Variants in SLC3A1 observed in about 807,000 individuals in gnomAD.
SLC3A1 encodes amino acid transporter heavy chain SLC3A1.
In SLC3A1, 78 loss-of-function variants were observed where a neutral mutation model predicts 60.3. The ratio of observed to expected loss-of-function variants is 1.29; its 90% CI spans 1.08 to 1.56. The LOEUF (loss-of-function observed/expected upper bound fraction) is 1.56. Among genes scored for constraint, SLC3A1 ranks in the 40% most tolerant of loss-of-function variants. The pLI, the probability that SLC3A1 is intolerant of heterozygous loss-of-function variation, is 0.00. For synonymous variants in SLC3A1, 392 were observed against 307.9 expected, an observed-to-expected ratio of 1.27 and a Z score of -2.86; for missense variants, 1,172 against 858.9, an observed-to-expected ratio of 1.36 and a Z score of -4.56.
Position 44,275,736 on chromosome 2 carries a change from G to A in SLC3A1, c.201G>A (p.Gly67=), listed in dbSNP as rs771021431. Residue 67 remains glycine, a synonymous_variant, in exon 1 of 10, where the codon GGG becomes GGA. Coordinates refer to ENST00000260649, the MANE Select transcript of SLC3A1 (RefSeq NM_000341.4). Reference sequence around the variant, plus strand: ...TCAAGGGCGTCCAGCCCTATGCGGGGATGCCCAAGGAGGTGCTGTTCCAGT... The same window carrying A: ...TCAAGGGCGTCCAGCCCTATGCGGGAATGCCCAAGGAGGTGCTGTTCCAGT... The part of the protein sequence containing the change: ...PDFKGVQPYA[G]MPKEVLFQFS... 1 of 1,614,218 alleles carries A rather than the reference G, an allele frequency of 6.2e-7. No individual in the cohort carries two copies. The highest frequency in any genetic ancestry group is 2.2e-5 in the East Asian group (1 of 44,886).
At chr2:44,287,043 C>G (rs1234163298) in intron 4 of SLC3A1, among the ~76,000 whole-genome samples, 3 of 152,168 alleles carry the variant, frequency 2.0e-5, no homozygotes, top group Non-Finnish European at 2.9e-5. Context: ...CACGACACTT[C>G]TGTACTCATT....
chr2:44,316,139 G>C (rs1672441711), intron 9 of SLC3A1: 1 of 152,178 alleles, frequency 6.6e-6, no homozygotes, highest in South Asian at 2.1e-4. Flanking sequence ...AAACAAGGAA[G>C]GTCAAAACAC....
intron 4 of SLC3A1, among the ~76,000 whole-genome samples, chr2:44,299,195 T>C (rs962438294): frequency 6.6e-6 from 1 of 152,058 alleles, no homozygotes; most frequent in African/African-American, 2.4e-5. Flanking sequence ...CCCGCCACCA[T>C]GCCTGGCTAC....
intron 4 of SLC3A1, 119 bp from the exon 5 acceptor site, chr2:44,299,852 T>G: frequency 9.7e-7 from 1 of 1,033,670 alleles, no homozygotes; most frequent in South Asian, 1.3e-5. Flanking sequence ...AATACTGTGC[T>G]TGTTCTGTAT....
chr2:44,297,806 C>T (rs72802976), intron 4 of SLC3A1, among the ~76,000 whole-genome samples: 12,030 of 152,126 alleles, frequency 0.079, 564 homozygotes, highest in Non-Finnish European at 0.11. Context: ...GTCATGTTGC[C>T]CGGCTGGTCT....
chr2:44,283,872 TTAAC>T (rs1017811072), intron 3 of SLC3A1, among the ~76,000 whole-genome samples: 10 of 152,114 alleles, frequency 6.6e-5, no homozygotes, highest in Non-Finnish European at 1.0e-4. Flanking sequence ...TATAGTCTTC[TTAAC>T]TAACTTTTTC....
rs112419649 is a variant in SLC3A1 at position 44,277,030 on chromosome 2, C to A, written c.430+1065C>A. 2.2e-3 allele frequency among the ~76,000 whole-genome samples: 325 copies of A among 151,006 alleles called. No individual in the cohort carries two copies. The Middle Eastern group carries it at 0.031, about 14-fold the overall frequency. On this transcript the variant is annotated intron_variant, in intron 1 of 9. Transcript: ENST00000260649. The stretch of plus-strand genomic sequence containing the variant: ...ATCTTTAAAATGCTACAAATGAATT[C>A]TTGAAACCTGCAGCTTTCTTTAATC...
intron 5 of SLC3A1, 51 bp downstream of exon 5, chr2:44,300,141 C>T (rs765205245): frequency 2.5e-6 from 4 of 1,593,190 alleles, no homozygotes; most frequent in South Asian, 2.2e-5. Context: ...AAAATGTCAT[C>T]AGAGTGTTTT....
intron 9 of SLC3A1, among the ~76,000 whole-genome samples, chr2:44,316,988 A>C (rs1312769598): frequency 6.6e-6 from 1 of 152,022 alleles, no homozygotes; most frequent in Non-Finnish European, 1.5e-5. Context: ...TGGAACAAAA[A>C]TCTTAGTGAT....
At chr2:44,275,990 G>A (rs1429219272) in intron 1 of SLC3A1, 25 bp downstream of exon 1, 10 of 1,605,906 alleles carry the variant, frequency 6.2e-6, no homozygotes, top group African/African-American at 4.0e-5. Flanking sequence ...ATCATTTAGG[G>A]TGGGTGCCAG....
intron 9 of SLC3A1, chr2:44,317,850 T>C (rs1005954996): frequency 1.1e-5 from 2 of 179,304 alleles, no homozygotes; most frequent in Non-Finnish European, 2.4e-5. Flanking sequence ...ATTACAAATA[T>C]GAATGGGTTA....
At chr2:44,319,654 C>T (rs188367772) in intron 9 of SLC3A1, 6 of 152,984 alleles carry the variant, frequency 3.9e-5, no homozygotes, top group East Asian at 1.9e-4. Context: ...CTAACTTTCA[C>T]CTTAGGCAGC....
At chr2:44,309,647 T>C (rs979697935) in intron 7 of SLC3A1, among the ~76,000 whole-genome samples, 1 of 152,240 alleles carries the variant, frequency 6.6e-6, no homozygotes, top group African/African-American at 2.4e-5. Flanking sequence ...TCACCCAGGC[T>C]AGAGTGCAGT....
In SLC3A1 at chr2:44,320,889, T is replaced by C. The variant is rs903603565; in HGVS notation, c.*250T>C. The C allele has an allele frequency of 8.0e-6, 4 of 502,868 alleles. No homozygotes were observed. Among genetic ancestry groups the C allele is most frequent in the Admixed American group, 3.4e-5 (1 of 29,008 alleles). 31.2% of individuals were successfully genotyped at this position (502,868 alleles called of 1,614,324 possible). On this transcript the variant is annotated 3_prime_UTR_variant, in exon 10 of 10. Transcript: ENST00000260649. ...TCAATCAGGGATGACCAGAACACAT[T>C]AGGACCCCAGATTATTCAAAAACTT...
At chr2:44,280,685 G>T (rs754886177) in intron 1 of SLC3A1, 31 bp from the exon 2 acceptor site, 2 of 1,508,010 alleles carry the variant, frequency 1.3e-6, no homozygotes, top group Non-Finnish European at 1.8e-6. Context: ...ACAAAGTAGG[G>T]TTTATTCATG....
chr2:44,315,175 TCA>T (rs1672398159), intron 9 of SLC3A1: 1 of 152,006 alleles, frequency 6.6e-6, no homozygotes, highest in Non-Finnish European at 1.5e-5. Flanking sequence ...ACTCCTGATC[TCA>T]AGTGATCCGC....
chr2:44,281,649 C>T (rs900528157), intron 3 of SLC3A1, 108 bp downstream of exon 3: 28 of 1,007,146 alleles, frequency 2.8e-5, no homozygotes, highest in African/African-American at 1.8e-4. Context: ...TATAGTTTAT[C>T]GGAAGGGGGC....
intron 7 of SLC3A1, among the ~76,000 whole-genome samples, chr2:44,311,723 TA>T (rs11443762): frequency 2.0e-4 from 30 of 147,064 alleles, no homozygotes; most frequent in East Asian, 1.2e-3. Flanking sequence ...CTAAGGAAGT[TA>T]AAAAAAAAAA....
chr2:44,320,914 T>G lies in SLC3A1; in HGVS notation c.*275T>G, dbSNP rs1672886385. 2.2e-6 allele frequency: 1 copy of G among 448,926 alleles called. No homozygotes were observed. Among genetic ancestry groups the G allele is most frequent in the Non-Finnish European group, 4.0e-6 (1 of 249,262 alleles). The allele number at this position is 448,926 out of a possible 1,614,324, so 27.8% of individuals were successfully genotyped here. ...TAGGACCCCAGATTATTCAAAAACT[T>G]TAACGAATTTTAAGGGGAAGAATTT... On this transcript the variant is annotated 3_prime_UTR_variant, in exon 10 of 10. Transcript: ENST00000260649.
Sources: allele counts gnomAD v4.1 joint callset (sites outside exome capture counted in the v4.1 genomes callset), GRCh38; gene constraint gnomAD v4.1.1; transcripts MANE v1.5; gene names NCBI Gene and HGNC (gene_info 2026-07-23, HGNC 2026-07-21).